SLC25A21: variants seen among roughly 807,000 people sequenced by gnomAD.
SLC25A21 encodes mitochondrial 2-oxodicarboxylate carrier.
SLC25A21 carries 47 observed loss-of-function variants against 43.8 expected under a neutral mutation model. The observed-to-expected ratio is 1.07, with a 90% CI of 0.85 to 1.37. The LOEUF (loss-of-function observed/expected upper bound fraction) is 1.37. Ranked by LOEUF, SLC25A21 falls within the 40% of genes most tolerant of loss-of-function variation. SLC25A21 has a pLI of 0.00. For missense variants in SLC25A21, 352 were observed against 350.2 expected (o/e 1.00, Z -0.04); for synonymous variants, 131 against 121.3 (o/e 1.08, Z -0.52).
At chr14:36,778,834 G>C (rs890009914) in intron 3 of SLC25A21, among the ~76,000 whole-genome samples, 1 of 152,066 alleles carries the variant, frequency 6.6e-6, no homozygotes, top group East Asian at 1.9e-4. Flanking sequence ...TTGTTTTAGT[G>C]AGAACACTTA....
chr14:36,982,994 A>G (rs192012247), intron 1 of SLC25A21, among the ~76,000 whole-genome samples: 97 of 152,342 alleles, frequency 6.4e-4, no homozygotes, highest in African/African-American at 2.2e-3. Flanking sequence ...AAAATAGGCT[A>G]AAGGAATGGC....
At chr14:36,969,226 T>C (rs1434216748) in intron 1 of SLC25A21, among the ~76,000 whole-genome samples, 1 of 152,166 alleles carries the variant, frequency 6.6e-6, no homozygotes, top group Non-Finnish European at 1.5e-5. Context: ...CCCACCAAAG[T>C]TGATGTTCCA....
intron 1 of SLC25A21, among the ~76,000 whole-genome samples, chr14:37,133,143 G>GCACACACACACA (rs33962615): frequency 0.018 from 2,714 of 148,042 alleles, 72 homozygotes; most frequent in African/African-American, 0.063. Flanking sequence ...GTGCACTCGT[G>GCACACACACACA]CACACACACA....
At chr14:36,724,572 T>C (rs750994356) in intron 6 of SLC25A21, among the ~76,000 whole-genome samples, 1 of 152,236 alleles carries the variant, frequency 6.6e-6, no homozygotes, top group Non-Finnish European at 1.5e-5. Flanking sequence ...TCCCCTTGTT[T>C]TCCTCCTACC....
intron 3 of SLC25A21, among the ~76,000 whole-genome samples, chr14:36,782,974 A>T (rs549064629): frequency 5.5e-4 from 83 of 150,542 alleles, no homozygotes; most frequent in Middle Eastern, 3.4e-3. Context: ...AATAAATAAA[A>T]AAATAAAAAA....
At chr14:36,832,258 A>G (rs1048406213) in intron 2 of SLC25A21, among the ~76,000 whole-genome samples, 2 of 151,426 alleles carry the variant, frequency 1.3e-5, no homozygotes, top group Non-Finnish European at 2.9e-5. Flanking sequence ...TCTACAAAAT[A>G]ATATATATAT....
intron 1 of SLC25A21, among the ~76,000 whole-genome samples, chr14:37,118,279 C>T (rs1566893852): frequency 1.3e-5 from 2 of 151,540 alleles, no homozygotes; most frequent in Admixed American, 6.6e-5. Flanking sequence ...CCAGATCCAC[C>T]AACAAGTCCT....
intron 1 of SLC25A21, among the ~76,000 whole-genome samples, chr14:37,147,932 C>T (rs1280558894): frequency 6.7e-6 from 1 of 150,340 alleles, no homozygotes; most frequent in Non-Finnish European, 1.5e-5. Flanking sequence ...ACCTCCGCCT[C>T]CCGGGTACAA....
intron 1 of SLC25A21, among the ~76,000 whole-genome samples, chr14:36,880,282 A>T (rs1890675799): frequency 6.6e-6 from 1 of 152,218 alleles, no homozygotes; most frequent in African/African-American, 2.4e-5. Flanking sequence ...AACTTTGGGC[A>T]TAGAGGCCAC....
chr14:37,013,838 G>C (rs1192120405), intron 1 of SLC25A21, among the ~76,000 whole-genome samples: 1 of 152,002 alleles, frequency 6.6e-6, no homozygotes. Context: ...CTGCAGGTTA[G>C]GTTCCAGACC....
chr14:37,081,073 T>C (rs773964424), intron 1 of SLC25A21, among the ~76,000 whole-genome samples: 1 of 152,188 alleles, frequency 6.6e-6, no homozygotes, highest in Non-Finnish European at 1.5e-5. Flanking sequence ...ACCCATCCCC[T>C]GAATCTAATT....
chr14:36,886,084 A>C (rs1460007985), intron 1 of SLC25A21, among the ~76,000 whole-genome samples: 6 of 152,248 alleles, frequency 3.9e-5, no homozygotes, highest in African/African-American at 1.4e-4. Context: ...ATTCAAAAAC[A>C]GAACAACTAC....
chr14:36,726,747 A>G (rs1210220799), intron 5 of SLC25A21, among the ~76,000 whole-genome samples: 1 of 152,238 alleles, frequency 6.6e-6, no homozygotes, highest in Non-Finnish European at 1.5e-5. Flanking sequence ...TCTCCAAAAC[A>G]GATGCTGGAA....
rs1483554393 is a variant in SLC25A21, at chr14:36,749,204, T to C, written c.204-14631A>G. 5.3e-5 allele frequency among the ~76,000 whole-genome samples: 8 copies of C among 152,232 alleles called. No individual in the cohort carries two copies. In the East Asian group the frequency reaches 7.7e-4, roughly 15 times the overall value. On this transcript the variant is annotated intron_variant, in intron 3 of 9. Coordinates refer to ENST00000331299, the MANE Select transcript of SLC25A21 (RefSeq NM_030631.4). The stretch of plus-strand genomic sequence containing the variant: ...GTGGCTGTGCTGGAGTCTCTGAGCC[T>C]ACCCTGGCTCAGGAGGCTGCCTGAT...
At chr14:36,933,072 C>A (rs896292478) in intron 1 of SLC25A21, among the ~76,000 whole-genome samples, 1 of 151,996 alleles carries the variant, frequency 6.6e-6, no homozygotes, top group African/African-American at 2.4e-5. Flanking sequence ...GGTTAAATCC[C>A]AAGATGAAAG....
At chr14:36,900,218 A>G (rs1307173851) in intron 1 of SLC25A21, among the ~76,000 whole-genome samples, 3 of 151,744 alleles carry the variant, frequency 2.0e-5, no homozygotes, top group Non-Finnish European at 2.9e-5. Flanking sequence ...GGCAAGCAGA[A>G]CTCTGCTTGC....
At chr14:37,147,836 T>C (rs866975482) in intron 1 of SLC25A21, among the ~76,000 whole-genome samples, 3 of 44,996 alleles carry the variant, frequency 6.7e-5, no homozygotes, top group Middle Eastern at 0.011. Flanking sequence ...TTTTCTTTTT[T>C]TTCTTTTCTT....
chr14:36,759,161 G>C (rs1886047524), intron 3 of SLC25A21, among the ~76,000 whole-genome samples: 1 of 152,098 alleles, frequency 6.6e-6, no homozygotes, highest in Admixed American at 6.5e-5. Context: ...ACCCTGCAAA[G>C]AGCCCTTTGA....
Position 36,734,578 on chromosome 14 carries a change from T to C in SLC25A21, c.204-5A>G. The C allele has an allele frequency of 6.3e-7, 1 of 1,597,524 alleles. No homozygotes were observed. Among genetic ancestry groups the C allele is most frequent in the Non-Finnish European group, 8.5e-7 (1 of 1,170,620 alleles). On this transcript the variant is annotated splice_polypyrimidine_tract_variant and splice_region_variant and intron_variant, in intron 3 of 9. Transcript: ENST00000331299. ...CCCTTGTAAAAACCAAATAACCTGT[T>C]GGAGAAATAAAAGATTTCCTATGAG... is the stretch of plus-strand genomic sequence containing the variant.
Sources: gnomAD v4.1 joint callset for allele counts (sites outside exome capture counted in the v4.1 genomes callset) on GRCh38, gnomAD v4.1.1 for gene constraint, MANE v1.5 for transcripts, NCBI Gene and HGNC (gene_info 2026-07-23, HGNC 2026-07-21) for gene names.